Variants in BMP3 observed in about 807,000 individuals in gnomAD.
BMP3 encodes the protein bone morphogenetic protein 3, also known as bone morphogenetic protein 3 (osteogenic).
BMP3 carries 23 observed loss-of-function variants against 38.1 expected under a neutral mutation model. The ratio of observed to expected loss-of-function variants is 0.60; its 90% CI spans 0.43 to 0.86. The LOEUF (loss-of-function observed/expected upper bound fraction) is 0.86. Among genes scored for constraint, BMP3 ranks in the 40% least tolerant of loss-of-function variants. BMP3 has a pLI of 0.00. For missense variants in BMP3, 628 were observed against 579.6 expected (o/e 1.08, Z -0.86); for synonymous variants, 258 against 225.7 (o/e 1.14, Z -1.28).
intron 1 of BMP3, among the ~76,000 whole-genome samples, chr4:81,040,932 C>T (rs1422337030): frequency 6.6e-6 from 1 of 151,976 alleles, no homozygotes; most frequent in Non-Finnish European, 1.5e-5. Context: ...GTTTTTGATT[C>T]AATCATTCCC....
At position 81,056,742 on chromosome 4, in the gene BMP3, A is replaced by G. The variant is rs185004282; in HGVS notation, c.*3206A>G. On this transcript the variant is annotated 3_prime_UTR_variant, in exon 3 of 3. Coordinates refer to ENST00000282701, the MANE Select transcript of BMP3 (RefSeq NM_001201.5). Reference sequence around the variant, plus strand: ...CATTCCCTTTGCTGTATATTAACTGATGATCATTTATATGTTAAGATTTTT... The same window carrying G: ...CATTCCCTTTGCTGTATATTAACTGGTGATCATTTATATGTTAAGATTTTT... The G allele has an allele frequency of 6.5e-6, 1 of 152,702 alleles. No homozygotes were observed. Among genetic ancestry groups the G allele is most frequent in the Non-Finnish European group, 1.5e-5 (1 of 68,044 alleles). The allele number at this position is 152,702 out of a possible 1,614,324, so 9.5% of individuals were successfully genotyped here. A position where few individuals can be genotyped will look rare whatever the true frequency, so the allele number is the denominator to read the frequency against.
chr4:81,036,397 G>T (rs955026935), intron 1 of BMP3, among the ~76,000 whole-genome samples: 4 of 151,870 alleles, frequency 2.6e-5, no homozygotes, highest in African/African-American at 9.7e-5. Flanking sequence ...AAATGCTTGA[G>T]CAACTTGTTA....
chr4:81,049,339 T>G (rs1740344914), intron 2 of BMP3, among the ~76,000 whole-genome samples: 1 of 152,178 alleles, frequency 6.6e-6, no homozygotes, highest in African/African-American at 2.4e-5. Context: ...AATAGGTTTC[T>G]CCCTTTGCAT....
rs1740232986 is a variant in BMP3 at position 81,046,126 on chromosome 4, T to C, written c.705T>C (p.Phe235=). The part of the protein sequence containing the change: ...GRQLPKRRLP[F]PEPYILVYAN... ...AGCTGCCAAAGAGGAGGTTACCTTT[T>C]CCAGAGCCTTATATCTTGGTATATG... Residue 235 remains phenylalanine, a synonymous_variant, in exon 2 of 3, where the codon TTT becomes TTC. Transcript: ENST00000282701. The C allele has an allele frequency of 1.2e-6, 2 of 1,614,052 alleles. No homozygotes were observed. The highest frequency in any genetic ancestry group is 2.2e-5 in the South Asian group (2 of 91,082).
At chr4:81,042,757 G>A (rs2109906828) in intron 1 of BMP3, among the ~76,000 whole-genome samples, 1 of 152,326 alleles carries the variant, frequency 6.6e-6, no homozygotes, top group South Asian at 2.1e-4. Context: ...TTCCCTGCCA[G>A]CATGTTTGTT....
At chr4:81,053,315 T>TA in intron 2 of BMP3, 30 bp from the exon 3 acceptor site, 1 of 1,496,010 alleles carries the variant, frequency 6.7e-7, no homozygotes. Context: ...CCACCTAACA[T>TA]ATGTGTTCTT....
At position 81,031,318 on chromosome 4, in the gene BMP3, C is replaced by A; in HGVS notation, c.34C>A (p.Leu12Met). ...AGASRLLFLW[L>M]GCFCVSLAQG... ...GGCGAGCAGGCTGCTCTTTCTGTGG[C>A]TGGGCTGCTTCTGCGTGAGCCTGGC... is the stretch of plus-strand genomic sequence containing the variant. Residue 12 changes from leucine to methionine, a missense_variant, in exon 1 of 3, where the codon CTG (leucine) becomes ATG (methionine). Transcript: ENST00000282701. 6.2e-7 allele frequency: 1 copy of A among 1,609,908 alleles called. No individual in the cohort carries two copies.
chr4:81,040,740 T>C (rs1366508166), intron 1 of BMP3, among the ~76,000 whole-genome samples: 2 of 152,198 alleles, frequency 1.3e-5, no homozygotes, highest in Non-Finnish European at 2.9e-5. Flanking sequence ...GCACCCAAAA[T>C]GAGGCATGCA....
At chr4:81,037,683 G>A (rs142363687) in intron 1 of BMP3, among the ~76,000 whole-genome samples, 11 of 152,210 alleles carry the variant, frequency 7.2e-5, no homozygotes, top group African/African-American at 2.2e-4. Context: ...TTGATAATAT[G>A]TACTTGTCTG....
At chr4:81,041,079 A>G (rs1170825373) in intron 1 of BMP3, among the ~76,000 whole-genome samples, 1 of 152,216 alleles carries the variant, frequency 6.6e-6, no homozygotes, top group African/African-American at 2.4e-5. Flanking sequence ...GAGAGAGACA[A>G]TGCAAATCTT....
At chr4:81,036,031 C>A (rs1378196205) in intron 1 of BMP3, among the ~76,000 whole-genome samples, 1 of 151,820 alleles carries the variant, frequency 6.6e-6, no homozygotes, top group South Asian at 2.1e-4. Context: ...GGCATTGTAC[C>A]ATCTTCCTGC....
chr4:81,031,745 C>T, intron 1 of BMP3, 145 bp downstream of exon 1: 4 of 1,032,318 alleles, frequency 3.9e-6, no homozygotes, highest in Non-Finnish European at 5.5e-6. Flanking sequence ...CTGGATTCCT[C>T]CGTCCAGTCA....
At chr4:81,037,924 T>G (rs1278379057) in intron 1 of BMP3, among the ~76,000 whole-genome samples, 4 of 152,122 alleles carry the variant, frequency 2.6e-5, no homozygotes, top group African/African-American at 7.2e-5. Flanking sequence ...TAGCCCATAC[T>G]AGACCCGCGG....
rs143503349 is a variant in BMP3, at chr4:81,052,723, A to T, written c.1228-622A>T. Among the ~76,000 whole-genome samples, 189 of 152,258 alleles carry T rather than the reference A, an allele frequency of 1.2e-3. 1 individual carries two copies. The highest frequency in any genetic ancestry group is 4.4e-3 in the African/African-American group (182 of 41,578). ...TACTTCTAAGGAGAGTTGAATAATTACATAGTGGAATAGTAACCATCCAAT... is the reference window on the plus strand; with the variant it reads ...TACTTCTAAGGAGAGTTGAATAATTTCATAGTGGAATAGTAACCATCCAAT... On this transcript the variant is annotated intron_variant, in intron 2 of 2. Transcript: ENST00000282701.
At chr4:81,047,258 A>T (rs529859732) in intron 2 of BMP3, among the ~76,000 whole-genome samples, 1 of 152,314 alleles carries the variant, frequency 6.6e-6, no homozygotes, top group East Asian at 1.9e-4. Flanking sequence ...GACTCTGTAA[A>T]CTTTTGCCAA....
At chr4:81,036,613 G>A (rs1463392573) in intron 1 of BMP3, among the ~76,000 whole-genome samples, 1 of 151,852 alleles carries the variant, frequency 6.6e-6, no homozygotes, top group Non-Finnish European at 1.5e-5. Context: ...TGTTTCAGTT[G>A]AGTAAATTTT....
At chr4:81,048,159 T>G (rs1740309923) in intron 2 of BMP3, among the ~76,000 whole-genome samples, 1 of 152,184 alleles carries the variant, frequency 6.6e-6, no homozygotes, top group Non-Finnish European at 1.5e-5. Context: ...GAGCCTTATC[T>G]TGTCTAAATA....
intron 1 of BMP3, among the ~76,000 whole-genome samples, chr4:81,036,833 G>A (rs776394017): frequency 6.6e-6 from 1 of 151,952 alleles, no homozygotes; most frequent in Non-Finnish European, 1.5e-5. Flanking sequence ...TTGTGTCTTA[G>A]CATGATGGCA....
chr4:81,046,878 AG>A (rs1367408023), intron 2 of BMP3, among the ~76,000 whole-genome samples: 5 of 152,208 alleles, frequency 3.3e-5, no homozygotes, highest in African/African-American at 1.2e-4. Context: ...GGTATAAAGA[AG>A]GATATGAGAA....
Sources: gnomAD v4.1 joint callset for allele counts (sites outside exome capture counted in the v4.1 genomes callset) on GRCh38, gnomAD v4.1.1 for gene constraint, MANE v1.5 for transcripts, NCBI Gene and HGNC (gene_info 2026-07-23, HGNC 2026-07-21) for gene names.